The following NOXRED1 variants were observed in gnomAD, a reference collection of about 807,000 sequenced individuals.
NOXRED1 encodes the protein NADP-dependent oxidoreductase domain-containing protein 1.
In NOXRED1, 20 loss-of-function variants were observed where a neutral mutation model predicts 30.4. The ratio of observed to expected loss-of-function variants is 0.66; its 90% CI spans 0.46 to 0.96. The LOEUF (loss-of-function observed/expected upper bound fraction) is 0.96. Among genes scored for constraint, NOXRED1 ranks in the 40% least tolerant of loss-of-function variants. NOXRED1 has a pLI of 0.00. For synonymous variants in NOXRED1, 155 were observed against 168.0 expected, an observed-to-expected ratio of 0.92 and a Z score of 0.60; for missense variants, 374 against 428.0, an observed-to-expected ratio of 0.87 and a Z score of 1.11.
intron 1 of NOXRED1, among the ~76,000 whole-genome samples, chr14:77,418,155 G>A (rs1038585333): frequency 3.3e-5 from 5 of 151,702 alleles, no homozygotes; most frequent in Non-Finnish European, 7.4e-5. Context: ...TTATTTTTGA[G>A]ACAGGGTCTC....
At chr14:77,406,199 G>A in intron 4 of NOXRED1, 64 bp from the exon 5 acceptor site, 1 of 1,180,312 alleles carries the variant, frequency 8.5e-7, no homozygotes, top group Non-Finnish European at 1.2e-6. Flanking sequence ...AGAAAACCTA[G>A]AATAAACCCC....
upstream of NOXRED1, among the ~76,000 whole-genome samples, chr14:77,424,145 C>A (rs968775218): frequency 2.6e-5 from 4 of 152,228 alleles, no homozygotes; most frequent in African/African-American, 7.2e-5. Flanking sequence ...TATGACGACA[C>A]CATCTCTTTA....
intron 1 of NOXRED1, among the ~76,000 whole-genome samples, chr14:77,422,399 C>T (rs1442636220): frequency 1.3e-5 from 2 of 152,108 alleles, no homozygotes. Flanking sequence ...GCATTCCTTG[C>T]CAATAGATAA....
intron 1 of NOXRED1, among the ~76,000 whole-genome samples, chr14:77,419,460 T>C (rs1356415190): frequency 1.2e-4 from 17 of 145,098 alleles, no homozygotes; most frequent in African/African-American, 4.3e-4. Context: ...TTTTTTTTTT[T>C]TTTTTTGAGA....
chr14:77,397,699 CAACATGGTGAA>C (rs1894225342), intron 5 of NOXRED1, among the ~76,000 whole-genome samples: 1 of 151,910 alleles, frequency 6.6e-6, no homozygotes, highest in Admixed American at 6.6e-5. Context: ...CCAGGCTGGC[CAACATGGTGAA>C]ACCCTGTCTC....
intron 4 of NOXRED1, chr14:77,406,348 GAT>G (rs1445543254): frequency 3.3e-6 from 2 of 598,660 alleles, no homozygotes; most frequent in African/African-American, 3.7e-5. Flanking sequence ...AAAGTGGACA[GAT>G]ACAACTAATG....
At chr14:77,424,692 C>G (rs779932884), upstream of NOXRED1, among the ~76,000 whole-genome samples, 1 of 152,188 alleles carries the variant, frequency 6.6e-6, no homozygotes, top group Non-Finnish European at 1.5e-5. Flanking sequence ...AATTCTAGGC[C>G]TATCCTTTAC....
chr14:77,409,375 C>T (rs901485764), intron 2 of NOXRED1, among the ~76,000 whole-genome samples: 2 of 152,150 alleles, frequency 1.3e-5, no homozygotes, highest in Non-Finnish European at 2.9e-5. Flanking sequence ...AAACATGGCA[C>T]TTTCCCCTGT....
At chr14:77,397,899 A>G (rs1294278744) in intron 5 of NOXRED1, among the ~76,000 whole-genome samples, 1 of 150,740 alleles carries the variant, frequency 6.6e-6, no homozygotes, top group Non-Finnish European at 1.5e-5. Flanking sequence ...AAAAAAAAAA[A>G]TACTTGAATT....
At position 77,406,092 on chromosome 14, in the gene NOXRED1, A is replaced by AT; in HGVS notation, c.725dup (p.Tyr242Ter). 1 of 1,613,866 alleles carries AT rather than the reference A, an allele frequency of 6.2e-7. No individual in the cohort carries two copies. Among genetic ancestry groups the AT allele is most frequent in the Non-Finnish European group, 8.5e-7 (1 of 1,179,806 alleles). Residue 242 changes from tyrosine (Y) to a stop codon, truncating the protein, a stop_gained and frameshift_variant, in exon 5 of 6, where the codon TAT becomes TAAT. Coordinates refer to ENST00000380835, the MANE Select transcript of NOXRED1 (RefSeq NM_001113475.3). LOFTEE classifies it high-confidence loss of function. Reference protein sequence around the residue: ...LNIKWLEGVFYAALNICTARN... With the variant: ...LNIKWLEGVF ...TTGCTGTGCATATGTTTAGGGCCGC[A>AT]TAGAACACTCCCTCCAACCACTTGA...
chr14:77,400,559 A>G (rs1466004882), intron 5 of NOXRED1, among the ~76,000 whole-genome samples: 2 of 152,204 alleles, frequency 1.3e-5, no homozygotes, highest in Non-Finnish European at 2.9e-5. Flanking sequence ...AAGGTGGGAC[A>G]ACTTCAAGTG....
At chr14:77,424,568 A>G (rs1895077082), upstream of NOXRED1, among the ~76,000 whole-genome samples, 1 of 152,184 alleles carries the variant, frequency 6.6e-6, no homozygotes, top group African/African-American at 2.4e-5. Flanking sequence ...CTTACACCAA[A>G]ACAGTCAGTA....
At chr14:77,394,846 A>G (rs1466585610) in intron 5 of NOXRED1, 41 bp from the exon 6 acceptor site, 3 of 1,456,754 alleles carry the variant, frequency 2.1e-6, no homozygotes, top group African/African-American at 1.4e-5. Flanking sequence ...ATGTCTGTTC[A>G]GTATATCTGA....
At chr14:77,398,275 G>C (rs955026416) in intron 5 of NOXRED1, among the ~76,000 whole-genome samples, 2 of 152,162 alleles carry the variant, frequency 1.3e-5, no homozygotes, top group Admixed American at 6.5e-5. Context: ...AGCTCAACCA[G>C]GTTCTCAGTG....
upstream of NOXRED1, among the ~76,000 whole-genome samples, chr14:77,424,446 G>A (rs879274231): frequency 9.9e-5 from 15 of 152,060 alleles, no homozygotes; most frequent in Admixed American, 2.0e-4. Context: ...CAGCCTGGGC[G>A]GCAGAGGGAG....
intron 1 of NOXRED1, among the ~76,000 whole-genome samples, chr14:77,417,656 T>A (rs1182057282): frequency 6.6e-6 from 1 of 152,270 alleles, no homozygotes; most frequent in Non-Finnish European, 1.5e-5. Flanking sequence ...AGCCTATATG[T>A]GTCCTAACAT....
chr14:77,399,946 C>G (rs940339602), intron 5 of NOXRED1, among the ~76,000 whole-genome samples: 1 of 151,410 alleles, frequency 6.6e-6, no homozygotes, highest in Non-Finnish European at 1.5e-5. Context: ...TTTGAGACTA[C>G]AGAAAAACAA....
intron 1 of NOXRED1, among the ~76,000 whole-genome samples, chr14:77,419,371 C>T (rs1894922058): frequency 1.3e-5 from 2 of 150,322 alleles, no homozygotes; most frequent in African/African-American, 2.4e-5. Context: ...CCATGCCCAG[C>T]TTCTCCTTAG....
At chr14:77,410,416 C>G (rs1894619718) in intron 2 of NOXRED1, among the ~76,000 whole-genome samples, 1 of 152,074 alleles carries the variant, frequency 6.6e-6, no homozygotes, top group Non-Finnish European at 1.5e-5. Context: ...ACCAGCCTGG[C>G]CAACATGGCA....
Sources: allele counts gnomAD v4.1 joint callset (sites outside exome capture counted in the v4.1 genomes callset), GRCh38; gene constraint gnomAD v4.1.1; transcripts MANE v1.5; gene names NCBI Gene and HGNC (gene_info 2026-07-23, HGNC 2026-07-21).